Variants in TAGAP observed in about 807,000 individuals in gnomAD.
TAGAP encodes the protein T cell activation RhoGTPase activating protein.
A neutral mutation model predicts 36.0 loss-of-function variants in TAGAP; 16 were observed. The observed-to-expected ratio is 0.44, with a 90% confidence interval of 0.30 to 0.68. The LOEUF is 0.68. Ranked by LOEUF, TAGAP falls within the 30% of genes least tolerant of loss-of-function variation. TAGAP has a pLI of 0.09. For missense variants in TAGAP, 794 were observed against 921.5 expected, an observed-to-expected ratio of 0.86 and a Z score of 1.79; for synonymous variants, 372 against 377.4, an observed-to-expected ratio of 0.99 and a Z score of 0.17.
Position 159,044,036 on chromosome 6 carries a change from AAG to A in TAGAP, c.28-7_28-6del, listed in dbSNP as rs758917199. 4 of 1,613,670 alleles carry A rather than the reference AAG, an allele frequency of 2.5e-6. No homozygotes were observed. Among genetic ancestry groups the A allele is most frequent in the Non-Finnish European group, 3.4e-6 (4 of 1,179,870 alleles). ...ATTGGCGTTTAGTGTTTTTGACTAA[AAG>A]AGAAAAAATAAAATTAGGTAAATAT... On this transcript the variant is annotated splice_polypyrimidine_tract_variant and splice_region_variant and intron_variant, in intron 2 of 9. Transcript: ENST00000367066.
Position 159,038,340 on chromosome 6 carries a change from G to A in TAGAP, c.784-112C>T, listed in dbSNP as rs960892267. ...GAGTCAGGTGCCAAAATGAGAATCT[G>A]AGATCTTTATGTGTCTGAAAAGAGC... On this transcript the variant is annotated intron_variant, in intron 8 of 9. Transcript: ENST00000367066. 2.3e-5 allele frequency: 14 copies of A among 607,586 alleles called. No individual in the cohort carries two copies. The African/African-American group carries it at 2.7e-4, about 12-fold the overall frequency. The allele number at this position is 607,586 out of a possible 1,614,324, so 37.6% of individuals were successfully genotyped here. A position where few individuals can be genotyped will look rare whatever the true frequency, so the allele number is the denominator to read the frequency against.
intron 6 of TAGAP, 119 bp from the exon 7 acceptor site, chr6:159,040,951 G>T: frequency 1.4e-6 from 1 of 729,782 alleles, no homozygotes; most frequent in Non-Finnish European, 2.3e-6. Flanking sequence ...ATAGATTGTG[G>T]CCCTTCATTC....
chr6:159,036,542 T>C lies in TAGAP; in HGVS notation c.1481A>G (p.Lys494Arg), dbSNP rs973151982. Reference sequence around the variant, plus strand: ...TCGGCTGGGCTTGCCTTTCTCTGTCTTTGTGGTGAAAGACTGATGTCTGCT... The same window carrying C: ...TCGGCTGGGCTTGCCTTTCTCTGTCCTTGTGGTGAAAGACTGATGTCTGCT... ...FFSRHQSFTT[K>R]TEKGKPSREI... The change falls in exon 10 of 10, where the codon AAG becomes AGG. Residue 494 changes from lysine (K) to arginine (R), a missense_variant. Transcript: ENST00000367066. This position sits in a 1 kb window ranked among gnomAD's most constrained non-coding sequence, Gnocchi z 4.9. The C allele has an allele frequency of 3.7e-6, 6 of 1,614,166 alleles. No homozygotes were observed. Among genetic ancestry groups the C allele is most frequent in the Non-Finnish European group, 5.1e-6 (6 of 1,180,030 alleles).
intron 4 of TAGAP, chr6:159,042,481 G>T: frequency 1.4e-6 from 1 of 714,242 alleles, no homozygotes; most frequent in South Asian, 2.7e-5. Flanking sequence ...CAACACCAGA[G>T]TTCCTCAAGG....
rs564495672 is a variant in TAGAP at position 159,036,793 on chromosome 6, G to C, written c.1230C>G (p.Gly410=). Residue 410 remains glycine (G), a synonymous_variant, in exon 10 of 10, where the codon GGC becomes GGG. Transcript: ENST00000367066. This position sits in a 1 kb window ranked among gnomAD's most constrained non-coding sequence, Gnocchi z 4.9. The stretch of plus-strand genomic sequence containing the variant: ...CAGCCTCCTCACTTTCCAAACGAGA[G>C]CCTACCCGGGGCACGGGGAAGTCCC... ...SEGDFPVPRV[G]SRLESEEAED... 10 of 1,614,142 alleles carry C rather than the reference G, an allele frequency of 6.2e-6. No individual in the cohort carries two copies. The highest frequency in any genetic ancestry group is 8.5e-6 in the Non-Finnish European group (10 of 1,180,048).
chr6:159,038,287 T>C lies in TAGAP; in HGVS notation c.784-59A>G, dbSNP rs1002450998. ...AGACTTTTTTTTTTTTTTTTTTTTT[T>C]TGGAGGTGAGGAAGAATGGGGACAC... is the stretch of plus-strand genomic sequence containing the variant. On this transcript the variant is annotated intron_variant, in intron 8 of 9. Coordinates refer to ENST00000367066, the MANE Select transcript of TAGAP (RefSeq NM_054114.5). The C allele has an allele frequency of 3.4e-6, 3 of 889,990 alleles. No individual in the cohort carries two copies. The African/African-American group carries it at 5.3e-5, about 16-fold the overall frequency. The allele number at this position is 889,990 out of a possible 1,614,324, so 55.1% of individuals were successfully genotyped here. A position where few individuals can be genotyped will look rare whatever the true frequency, so the allele number is the denominator to read the frequency against.
At position 159,037,997 on chromosome 6, in the gene TAGAP, G is replaced by T; in HGVS notation, c.898+117C>A. The T allele has an allele frequency of 2.9e-6, 2 of 691,398 alleles. No homozygotes were observed. Among genetic ancestry groups the T allele is most frequent in the East Asian group, 2.6e-5 (1 of 38,072 alleles). 42.8% of individuals were successfully genotyped at this position (691,398 alleles called of 1,614,324 possible). ...TTCCTAATGGACTGGAGTCTAGTCT[G>T]ACTCGGTGATTTGTGAAGGTAACTT... On this transcript the variant is annotated intron_variant, in intron 9 of 9. Coordinates refer to ENST00000367066, the MANE Select transcript of TAGAP (RefSeq NM_054114.5). The surrounding 1 kb of genome is among the most constrained non-coding windows in gnomAD (Gnocchi z 5.1).
chr6:159,038,973 TG>T (rs1779655879), intron 8 of TAGAP, 140 bp downstream of exon 8: 10 of 1,509,070 alleles, frequency 6.6e-6, no homozygotes, highest in Non-Finnish European at 8.9e-6. Context: ...AGTGGAACTA[TG>T]ACAAAAGCAT....
At position 159,034,634 on chromosome 6, in the gene TAGAP, C is replaced by A. The variant is rs1259852068; in HGVS notation, c.*1193G>T. The A allele has an allele frequency of 6.6e-6, 1 of 152,052 alleles. No homozygotes were observed. The highest frequency in any genetic ancestry group is 1.5e-5 in the Non-Finnish European group (1 of 67,998). The allele number at this position is 152,052 out of a possible 1,614,324, so 9.4% of individuals were successfully genotyped here. A position where few individuals can be genotyped will look rare whatever the true frequency, so the allele number is the denominator to read the frequency against. ...ACCATTATGTTTGCCAATAATTAAG[C>A]AAACTGAGCATCATAAGAATGAGGT... On this transcript the variant is annotated 3_prime_UTR_variant, in exon 10 of 10. Coordinates refer to ENST00000367066, the MANE Select transcript of TAGAP (RefSeq NM_054114.5).
chr6:159,036,712 C>T lies in TAGAP; in HGVS notation c.1311G>A (p.Pro437=), dbSNP rs376291466. 9.9e-6 allele frequency: 16 copies of T among 1,614,064 alleles called. No individual in the cohort carries two copies. The highest frequency in any genetic ancestry group is 3.3e-5 in the Admixed American group (2 of 60,004). ...FPAVQGKTKR[P]VDLKIKNLAP... Reference sequence around the variant, plus strand: ...CCAAGTTCTTGATCTTCAGGTCCACCGGCCTCTTGGTTTTGCCTTGCACTG... The same window carrying T: ...CCAAGTTCTTGATCTTCAGGTCCACTGGCCTCTTGGTTTTGCCTTGCACTG... Residue 437 remains proline, a synonymous_variant, in exon 10 of 10, where the codon CCG becomes CCA. Coordinates refer to ENST00000367066, the MANE Select transcript of TAGAP (RefSeq NM_054114.5). This position sits in a 1 kb window ranked among gnomAD's most constrained non-coding sequence, Gnocchi z 4.9.
Position 159,038,222 on chromosome 6 carries a change from T to TCTTCAC in TAGAP, c.784_789dup (p.Val262_Lys263dup). ...TTATCAATGAGGAATTCCACCAGTGTCTTCACCTGTGAGGAAAAGTAAGCA... is the reference window on the plus strand; with the variant it reads ...TTATCAATGAGGAATTCCACCAGTGTCTTCACCTTCACCTGTGAGGAAAAGTAAGCA... On this transcript the variant is annotated inframe_insertion, in exon 9 of 10. Transcript: ENST00000367066. The TCTTCAC allele has an allele frequency of 2.5e-6, 4 of 1,590,080 alleles. No individual in the cohort carries two copies. Among genetic ancestry groups the TCTTCAC allele is most frequent in the Non-Finnish European group, 3.4e-6 (4 of 1,160,724 alleles).
rs34255737 is a variant in TAGAP at position 159,044,017 on chromosome 6, G to A, written c.42C>T (p.Asn14=). ...RSSHNASKTL[N]ANNMETLIEC... ...CGATTAGTGTCTCCATATTATTGGC[G>A]TTTAGTGTTTTTGACTAAAAGAGAA... The change falls in exon 3 of 10, where the codon AAC becomes AAT. Residue 14 remains asparagine, a synonymous_variant. Coordinates refer to ENST00000367066, the MANE Select transcript of TAGAP (RefSeq NM_054114.5). 687 of 1,613,694 alleles carry A rather than the reference G, an allele frequency of 4.3e-4. 2 individuals are homozygous for A. In the African/African-American group the frequency reaches 7.2e-3, roughly 17 times the overall value.
At chr6:159,038,517 C>T (rs1779634319) in intron 8 of TAGAP, among the ~76,000 whole-genome samples, 1 of 151,812 alleles carries the variant, frequency 6.6e-6, no homozygotes, top group Non-Finnish European at 1.5e-5. Context: ...GCCTTCCGAG[C>T]AGCTGGGACT....
At chr6:159,040,381 C>T (rs529345938) in intron 7 of TAGAP, among the ~76,000 whole-genome samples, 17 of 152,316 alleles carry the variant, frequency 1.1e-4, no homozygotes, top group African/African-American at 3.6e-4. Context: ...CGAATTTCTA[C>T]ACTTTGCTGG....
rs759308422 is a variant in TAGAP at position 159,035,888 on chromosome 6, C to G, written c.2135G>C (p.Arg712Pro). ...QRNKRDCLVR[R>P]CSQPVFEADQ... ...AGCCTCAAAGACCGGCTGGCTACAT[C>G]GTCGCACGAGACAGTCCCGCTTATT... is the stretch of plus-strand genomic sequence containing the variant. The change falls in exon 10 of 10, where the codon CGA (arginine) becomes CCA (proline). Residue 712 changes from arginine to proline, a missense_variant. Transcript: ENST00000367066. The G allele has an allele frequency of 2.0e-5, 33 of 1,611,920 alleles. No individual in the cohort carries two copies. The highest frequency in any genetic ancestry group is 1.6e-4 in the Middle Eastern group (1 of 6,078).
intron 9 of TAGAP, 80 bp downstream of exon 9, chr6:159,038,034 A>T (rs1779606911): frequency 1.1e-6 from 1 of 906,060 alleles, no homozygotes; most frequent in East Asian, 2.5e-5. Context: ...TGCCTCAAAT[A>T]TCAGAGATGC....
intron 3 of TAGAP, 70 bp downstream of exon 3, chr6:159,043,908 T>C (rs1412002761): frequency 2.2e-6 from 3 of 1,379,594 alleles, no homozygotes; most frequent in Admixed American, 3.9e-5. Context: ...ACCCAAATAA[T>C]ATTCAATTAA....
intron 7 of TAGAP, among the ~76,000 whole-genome samples, chr6:159,040,355 A>C (rs114574327): frequency 0.025 from 3,748 of 152,332 alleles, 51 homozygotes; most frequent in Middle Eastern, 0.037. Context: ...CAGTCAGTGT[A>C]GCTTAAAGAT....
At chr6:159,044,382 G>A (rs906168199) in intron 1 of TAGAP, among the ~76,000 whole-genome samples, 178 bp from the exon 2 acceptor site, 1 of 152,126 alleles carries the variant, frequency 6.6e-6, no homozygotes, top group African/African-American at 2.4e-5. Flanking sequence ...TTTAAAATCA[G>A]TTCTGTTACC....
Sources: allele counts gnomAD v4.1 joint callset (sites outside exome capture counted in the v4.1 genomes callset), GRCh38; gene constraint gnomAD v4.1.1; non-coding constraint Gnocchi (gnomAD v3.1); transcripts MANE v1.5; gene names NCBI Gene and HGNC (gene_info 2026-07-23, HGNC 2026-07-21).